ADGRV1: variants seen among roughly 807,000 people sequenced by gnomAD.
ADGRV1 encodes adhesion G protein-coupled receptor V1.
ADGRV1 carries 359 observed loss-of-function variants against 596.2 expected under a neutral mutation model. The ratio of observed to expected loss-of-function variants is 0.60; its 90% CI spans 0.55 to 0.66. The LOEUF is 0.66. Among genes scored for constraint, ADGRV1 ranks in the 30% least tolerant of loss-of-function variants. The pLI is 0.00. For missense variants in ADGRV1, 7,274 were observed against 7,575.6 expected (o/e 0.96, Z 1.48); for synonymous variants, 2,681 against 2,679.2 (o/e 1.00, Z -0.02).
At chr5:90,733,146 C>A (rs1394605373) in intron 50 of ADGRV1, among the ~76,000 whole-genome samples, 1 of 152,094 alleles carries the variant, frequency 6.6e-6, no homozygotes, top group African/African-American at 2.4e-5. Context: ...AAATGAAAAT[C>A]CTTGTGGGAA....
At chr5:90,609,519 T>C (rs1319942618) in intron 1 of ADGRV1, among the ~76,000 whole-genome samples, 1 of 86,908 alleles carries the variant, frequency 1.2e-5, no homozygotes, top group African/African-American at 3.0e-5. Context: ...GCAAAGATCA[T>C]TTTTTTTTTG....
intron 73 of ADGRV1, among the ~76,000 whole-genome samples, chr5:90,808,851 G>A (rs910035157): frequency 2.8e-4 from 42 of 152,164 alleles, no homozygotes; most frequent in African/African-American, 8.9e-4. Context: ...AACTGAGATC[G>A]CGCCACAGTG....
At chr5:90,702,955 G>A (rs543771917) in intron 34 of ADGRV1, among the ~76,000 whole-genome samples, 1 of 151,978 alleles carries the variant, frequency 6.6e-6, no homozygotes, top group South Asian at 2.1e-4. Flanking sequence ...CCATTAGCAC[G>A]CTCCCTAACA....
chr5:90,743,117 T>C (rs1754170864), intron 50 of ADGRV1, among the ~76,000 whole-genome samples: 2 of 152,194 alleles, frequency 1.3e-5, no homozygotes, highest in African/African-American at 4.8e-5. Context: ...GTTATCTTGG[T>C]TGAGACTATT....
chr5:90,596,182 C>T (rs566642214), intron 1 of ADGRV1, among the ~76,000 whole-genome samples: 3 of 146,316 alleles, frequency 2.1e-5, no homozygotes, highest in Non-Finnish European at 4.5e-5. Flanking sequence ...TCCCCACATC[C>T]CAGACGATGG....
At chr5:90,561,491 G>T (rs896845629) in intron 1 of ADGRV1, among the ~76,000 whole-genome samples, 1 of 152,118 alleles carries the variant, frequency 6.6e-6, no homozygotes, top group Non-Finnish European at 1.5e-5. Flanking sequence ...ACCTCATGCC[G>T]TTTCTTATAT....
chr5:90,782,322 T>C (rs1055453075), intron 65 of ADGRV1, among the ~76,000 whole-genome samples: 2 of 152,112 alleles, frequency 1.3e-5, no homozygotes, highest in African/African-American at 4.8e-5. Flanking sequence ...CATCACTATT[T>C]TGTGAACTTC....
intron 70 of ADGRV1, among the ~76,000 whole-genome samples, chr5:90,797,814 G>T (rs1331338346): frequency 6.6e-6 from 1 of 152,150 alleles, no homozygotes; most frequent in African/African-American, 2.4e-5. Context: ...TCAGGATTGG[G>T]AAACTCACTC....
At chr5:91,049,570 C>T (rs1432755966) in intron 85 of ADGRV1, among the ~76,000 whole-genome samples, 1 of 152,046 alleles carries the variant, frequency 6.6e-6, no homozygotes, top group African/African-American at 2.4e-5. Context: ...CACTTGTTGC[C>T]CTTTATATTA....
intron 83 of ADGRV1, among the ~76,000 whole-genome samples, chr5:90,940,554 A>G (rs1776089520): frequency 6.6e-6 from 1 of 152,220 alleles, no homozygotes; most frequent in African/African-American, 2.4e-5. Context: ...GTTTTGTACC[A>G]GGTATTTTTT....
In ADGRV1 at chr5:90,753,078, G is replaced by A. The variant is rs114512338; in HGVS notation, c.11122-496G>A. On this transcript the variant is annotated intron_variant, in intron 53 of 89. Transcript: ENST00000405460. ...ACAGGAGAGACATAAAAGGAGAAGA[G>A]AGTTGCTATGATTTGTATCTCTCCC... 8.2e-3 allele frequency among the ~76,000 whole-genome samples: 1,250 copies of A among 152,254 alleles called. 17 individuals are homozygous for A. Among genetic ancestry groups the A allele is most frequent in the African/African-American group, 0.029 (1,198 of 41,536 alleles).
intron 1 of ADGRV1, among the ~76,000 whole-genome samples, chr5:90,571,656 G>T (rs1015045782): frequency 2.0e-5 from 3 of 152,152 alleles, no homozygotes; most frequent in African/African-American, 7.2e-5. Flanking sequence ...TGTGGTGAGT[G>T]AAGTCTTCAA....
intron 86 of ADGRV1, among the ~76,000 whole-genome samples, chr5:91,090,358 T>C (rs900303662): frequency 2.0e-5 from 3 of 152,120 alleles, no homozygotes; most frequent in Non-Finnish European, 4.4e-5. Context: ...ATCCTGCAAA[T>C]TGAAAATTAT....
intron 17 of ADGRV1, among the ~76,000 whole-genome samples, chr5:90,648,288 G>T (rs1768086752): frequency 6.6e-6 from 1 of 152,188 alleles, no homozygotes; most frequent in Non-Finnish European, 1.5e-5. Context: ...AATGAAACAG[G>T]ATGTTTTAAC....
At chr5:90,738,432 T>A (rs1753532518) in intron 50 of ADGRV1, among the ~76,000 whole-genome samples, 2 of 152,142 alleles carry the variant, frequency 1.3e-5, no homozygotes. Flanking sequence ...ATGTTTTATG[T>A]TATTAGTTAT....
chr5:90,793,626 A>G (rs139895324), intron 70 of ADGRV1, among the ~76,000 whole-genome samples: 262 of 152,322 alleles, frequency 1.7e-3, no homozygotes, highest in Non-Finnish European at 2.6e-3. Flanking sequence ...ATTTTGAAGC[A>G]TGTGGTAGTG....
At chr5:90,718,156 C>G (rs142794551) in intron 43 of ADGRV1, 18 of 152,350 alleles carry the variant, frequency 1.2e-4, no homozygotes, top group African/African-American at 4.3e-4. Flanking sequence ...TTACTCCTCT[C>G]CCTAGTAATC....
intron 85 of ADGRV1, among the ~76,000 whole-genome samples, chr5:91,069,687 C>T (rs1030489672): frequency 2.0e-5 from 3 of 152,118 alleles, no homozygotes; most frequent in Non-Finnish European, 2.9e-5. Flanking sequence ...CAGACCCTGT[C>T]AAAAGCAGTT....
intron 46 of ADGRV1, 41 bp from the exon 47 acceptor site, chr5:90,725,045 A>G (rs1751580289): frequency 1.3e-6 from 2 of 1,531,304 alleles, no homozygotes; most frequent in Non-Finnish European, 1.8e-6. Context: ...TAAATTTTAG[A>G]TGTATAATGA....
Sources: gnomAD v4.1 joint callset for allele counts (sites outside exome capture counted in the v4.1 genomes callset) on GRCh38, gnomAD v4.1.1 for gene constraint, MANE v1.5 for transcripts, NCBI Gene and HGNC (gene_info 2026-07-23, HGNC 2026-07-21) for gene names.